Variants in ARHGEF7 observed in about 807,000 individuals in gnomAD.
The protein encoded by ARHGEF7 is PAK-interacting exchange factor beta.
A neutral mutation model predicts 109.8 loss-of-function variants in ARHGEF7; 33 were observed. That is an observed-to-expected ratio of 0.30 (90% confidence interval 0.23 to 0.40). The LOEUF (loss-of-function observed/expected upper bound fraction) is 0.40, where lower values mean the gene tolerates loss of function less well. ARHGEF7 is among the 10% of genes least tolerant of loss of function. The pLI is 1.00. For synonymous variants in ARHGEF7, 458 were observed against 424.6 expected (o/e 1.08, Z -0.97); for missense variants, 938 against 1,098.5 (o/e 0.85, Z 2.07).
intron 2 of ARHGEF7, among the ~76,000 whole-genome samples, chr13:111,187,437 TC>T (rs2079382683): frequency 6.6e-6 from 1 of 152,206 alleles, no homozygotes; most frequent in South Asian, 2.1e-4. Context: ...GAGAAAGCCT[TC>T]CGGTTCTGAG....
Position 111,303,029 on chromosome 13 carries a change from G to A in ARHGEF7, c.2505G>A (p.Gln835=). Residue 835 remains glutamine (Q), a synonymous_variant, in exon 22 of 22, where the codon CAG becomes CAA. Coordinates refer to ENST00000646102, the MANE Select transcript of ARHGEF7 (RefSeq NM_001354046.2). ...TGAAGAAATCTCTAGAGGAAGAACA[G>A]AGAGCCCGCAAAGACCTGGAGAAGC... ...KKMKKSLEEE[Q]RARKDLEKLV... 3 of 1,614,222 alleles carry A rather than the reference G, an allele frequency of 1.9e-6. No individual in the cohort carries two copies. The highest frequency in any genetic ancestry group is 2.5e-6 in the Non-Finnish European group (3 of 1,180,026).
intron 2 of ARHGEF7, among the ~76,000 whole-genome samples, chr13:111,200,251 C>T (rs1566796639): frequency 2.0e-5 from 3 of 152,232 alleles, no homozygotes; most frequent in East Asian, 1.9e-4. Flanking sequence ...ATCTCCAAGC[C>T]GAGCCTCCTT....
intron 9 of ARHGEF7, among the ~76,000 whole-genome samples, chr13:111,271,389 G>A (rs773434750): frequency 9.2e-5 from 14 of 152,164 alleles, no homozygotes; most frequent in Non-Finnish European, 1.6e-4. Flanking sequence ...GGACGTGTGC[G>A]TGTTTAGAAA....
intron 6 of ARHGEF7, among the ~76,000 whole-genome samples, chr13:111,238,437 A>AT (rs967656016): frequency 3.9e-5 from 6 of 152,212 alleles, no homozygotes; most frequent in African/African-American, 9.7e-5. Context: ...TGTATTAAGA[A>AT]GAGTATTTAA....
At chr13:111,277,515 G>T (rs2092556933) in intron 12 of ARHGEF7, 72 bp from the exon 13 acceptor site, 2 of 917,550 alleles carry the variant, frequency 2.2e-6, no homozygotes, top group Non-Finnish European at 3.5e-6. Context: ...ATAAATAAGT[G>T]AAGTATTTGT....
intron 6 of ARHGEF7, chr13:111,241,376 C>G (rs765072487): frequency 5.9e-6 from 9 of 1,532,968 alleles, no homozygotes; most frequent in Non-Finnish European, 7.9e-6. Context: ...GTCAGGAAGG[C>G]CAGCAACCTC....
chr13:111,244,065 A>AT, intron 7 of ARHGEF7, 99 bp downstream of exon 7: 2 of 1,260,054 alleles, frequency 1.6e-6, no homozygotes, highest in Non-Finnish European at 2.2e-6. Flanking sequence ...GTGAAACAAA[A>AT]TTTAGTGTAC....
chr13:111,213,571 AT>A (rs558980807), intron 4 of ARHGEF7, among the ~76,000 whole-genome samples: 8 of 151,592 alleles, frequency 5.3e-5, no homozygotes, highest in East Asian at 1.9e-4. Context: ...CCATTTTTGT[AT>A]TTTTTTTAGC....
intron 2 of ARHGEF7, among the ~76,000 whole-genome samples, chr13:111,162,962 G>A (rs1046712453): frequency 4.6e-5 from 7 of 152,230 alleles, no homozygotes; most frequent in Non-Finnish European, 8.8e-5. Flanking sequence ...TCAGACAGAT[G>A]AGGAGGTAAA....
rs761199753 is a variant in ARHGEF7, at chr13:111,115,661, G to A, written c.135G>A (p.Leu45=). ...ATGGGGTGGTCCTCTGCAGGCTGCTGGAGCGCCTGCTCCCCGGGACCATCG... is the reference window on the plus strand; with the variant it reads ...ATGGGGTGGTCCTCTGCAGGCTGCTAGAGCGCCTGCTCCCCGGGACCATCG... ...LKDGVVLCRL[L]ERLLPGTIEK... The change falls in exon 1 of 22, where the codon CTG becomes CTA. Residue 45 remains leucine (L), a synonymous_variant. Transcript: ENST00000646102. The A allele has an allele frequency of 2.3e-6, 3 of 1,328,140 alleles. No homozygotes were observed. The highest frequency in any genetic ancestry group is 2.9e-6 in the Non-Finnish European group (3 of 1,030,782). 82.3% of individuals were successfully genotyped at this position (1,328,140 alleles called of 1,614,324 possible).
At chr13:111,149,897 T>C (rs755622169) in intron 1 of ARHGEF7, among the ~76,000 whole-genome samples, 2 of 152,256 alleles carry the variant, frequency 1.3e-5, no homozygotes, top group Non-Finnish European at 2.9e-5. Context: ...TTATACACAT[T>C]AACTAAAGTC....
rs890850987 is a variant in ARHGEF7, at chr13:111,145,876, C to G, written c.166-8029C>G. 5.3e-5 allele frequency among the ~76,000 whole-genome samples: 8 copies of G among 152,232 alleles called. No individual in the cohort carries two copies. The highest frequency in any genetic ancestry group is 8.8e-5 in the Non-Finnish European group (6 of 68,038). ...TTTTCTCATCTGTAAAATACCAGAACTACCTCAAAAGTTTTCTGTGACCCT... is the reference window on the plus strand; with the variant it reads ...TTTTCTCATCTGTAAAATACCAGAAGTACCTCAAAAGTTTTCTGTGACCCT... On this transcript the variant is annotated intron_variant, in intron 1 of 21. Coordinates refer to ENST00000646102, the MANE Select transcript of ARHGEF7 (RefSeq NM_001354046.2). The surrounding 1 kb of genome is among the most constrained non-coding windows in gnomAD (Gnocchi z 4.3).
At chr13:111,284,492 G>A (rs1595522631) in intron 16 of ARHGEF7, among the ~76,000 whole-genome samples, 1 of 152,294 alleles carries the variant, frequency 6.6e-6, no homozygotes, top group African/African-American at 2.4e-5. Flanking sequence ...ATACTTTAGT[G>A]TGCACAGTCT....
chr13:111,292,600 A>G (rs2093324258), intron 19 of ARHGEF7: 4 of 1,256,718 alleles, frequency 3.2e-6, no homozygotes, highest in African/African-American at 3.0e-5. Context: ...TATAGCTCCA[A>G]ATGGTTTTTT....
chr13:111,140,557 C>G lies in ARHGEF7; in HGVS notation c.166-13348C>G, dbSNP rs188690939. On this transcript the variant is annotated intron_variant, in intron 1 of 21. Coordinates refer to ENST00000646102, the MANE Select transcript of ARHGEF7 (RefSeq NM_001354046.2). ...GAAGCCTGCCTGGCGAGTTCCAGAACAGCAGAGGCCAGTGAGAGTGGGGAG... is the reference window on the plus strand; with the variant it reads ...GAAGCCTGCCTGGCGAGTTCCAGAAGAGCAGAGGCCAGTGAGAGTGGGGAG... 1.6e-4 allele frequency among the ~76,000 whole-genome samples: 25 copies of G among 152,302 alleles called. No individual in the cohort carries two copies. In the East Asian group the frequency reaches 3.9e-3, roughly 23 times the overall value.
At chr13:111,256,038 A>C (rs1487908741) in intron 8 of ARHGEF7, among the ~76,000 whole-genome samples, 2 of 152,212 alleles carry the variant, frequency 1.3e-5, no homozygotes, top group Non-Finnish European at 2.9e-5. Flanking sequence ...AGCTGGAGGC[A>C]ACTTATTTTT....
At chr13:111,121,998 A>C (rs1485113444) in intron 1 of ARHGEF7, among the ~76,000 whole-genome samples, 1 of 152,196 alleles carries the variant, frequency 6.6e-6, no homozygotes, top group Non-Finnish European at 1.5e-5. Context: ...TGTCCAGAAG[A>C]CTGTAAGCCA....
intron 2 of ARHGEF7, among the ~76,000 whole-genome samples, chr13:111,169,337 A>T (rs1463692408): frequency 6.6e-6 from 1 of 152,208 alleles, no homozygotes; most frequent in African/African-American, 2.4e-5. Flanking sequence ...TACAGGAAGC[A>T]TGATGTTGTC....
intron 1 of ARHGEF7, among the ~76,000 whole-genome samples, chr13:111,148,619 G>T (rs2075735319): frequency 6.6e-6 from 1 of 152,184 alleles, no homozygotes; most frequent in Non-Finnish European, 1.5e-5. Context: ...CTCTCATGAT[G>T]GCCATTCTCC....
Sources: gnomAD v4.1 joint callset for allele counts (sites outside exome capture counted in the v4.1 genomes callset) on GRCh38, gnomAD v4.1.1 for gene constraint, Gnocchi (gnomAD v3.1) non-coding constraint, MANE v1.5 for transcripts, NCBI Gene and HGNC (gene_info 2026-07-23, HGNC 2026-07-21) for gene names.